The following UNC80 variants were observed in gnomAD, a reference collection of about 807,000 sequenced individuals.
The protein encoded by UNC80 is unc-80 subunit of NALCN channel complex.
A neutral mutation model predicts 384.6 loss-of-function variants in UNC80; 164 were observed. The observed-to-expected ratio is 0.43, with a 90% CI of 0.38 to 0.49. The LOEUF (loss-of-function observed/expected upper bound fraction) is 0.49. UNC80 is among the 20% of genes least tolerant of loss of function. The pLI is 0.00. For synonymous variants in UNC80, 1,486 were observed against 1,527.8 expected (o/e 0.97, Z 0.64); for missense variants, 3,330 against 4,143.0 (o/e 0.80, Z 5.39).
At chr2:209,941,089 T>A (rs921121727) in intron 43 of UNC80, 132 bp from the exon 44 acceptor site, 1 of 1,197,984 alleles carries the variant, frequency 8.3e-7, no homozygotes, top group Non-Finnish European at 1.1e-6. Context: ...CTGGAAAACA[T>A]TTCAGCAGTA....
At chr2:209,905,025 C>G in intron 29 of UNC80, 60 bp downstream of exon 29, 1 of 1,519,620 alleles carries the variant, frequency 6.6e-7, no homozygotes, top group Admixed American at 2.0e-5. Flanking sequence ...ATAACAATTT[C>G]TTCTCTGGAA....
chr2:209,872,056 G>C lies in UNC80; in HGVS notation c.3628-702G>C. Among the ~76,000 whole-genome samples the C allele has an allele frequency of 6.6e-6, 1 of 151,832 alleles. No homozygotes were observed. The highest frequency in any genetic ancestry group is 1.5e-5 in the Non-Finnish European group (1 of 67,984). On this transcript the variant is annotated intron_variant, in intron 22 of 64. Coordinates refer to ENST00000673920, the MANE Select transcript of UNC80 (RefSeq NM_001371986.1). This position sits in a 1 kb window ranked among gnomAD's most constrained non-coding sequence, Gnocchi z 4.1. ...CTCACTCTGTCTCCCAGGCTGGAGT[G>C]CAGTGGCGCGATCTCAGCTAACTGC...
chr2:209,789,988 CT>C (rs1237734444), intron 6 of UNC80, among the ~76,000 whole-genome samples: 1 of 151,732 alleles, frequency 6.6e-6, no homozygotes. Context: ...TTAAGTAACT[CT>C]AATGTAGGTA....
chr2:209,934,641 A>T (rs1421452009), intron 39 of UNC80, among the ~76,000 whole-genome samples: 4 of 152,240 alleles, frequency 2.6e-5, no homozygotes, highest in Non-Finnish European at 5.9e-5. Flanking sequence ...GCAGCAAAAA[A>T]GCCTGTGTTT....
chr2:209,957,865 A>C, intron 49 of UNC80, 129 bp downstream of exon 49: 1 of 820,548 alleles, frequency 1.2e-6, no homozygotes, highest in Non-Finnish European at 1.8e-6. Flanking sequence ...AAAAGAAAAG[A>C]AGGTGAGAGT....
intron 47 of UNC80, 28 bp from the exon 48 acceptor site, chr2:209,954,072 G>T: frequency 6.5e-7 from 1 of 1,535,866 alleles, no homozygotes; most frequent in South Asian, 1.2e-5. Flanking sequence ...TGTAAAAGGT[G>T]ACTCGGTTTT....
At chr2:209,809,430 TG>T in intron 7 of UNC80, 1 of 1,463,366 alleles carries the variant, frequency 6.8e-7, no homozygotes, top group Non-Finnish European at 9.6e-7. Flanking sequence ...ACTGCAGCCG[TG>T]CCTTCGCCGA....
rs79480053 is a variant in UNC80, at chr2:209,879,036, GT to G, written c.3976+960del. On this transcript the variant is annotated intron_variant, in intron 24 of 64. Transcript: ENST00000673920. Reference sequence around the variant, plus strand: ...TCTTCCTTTCCACGTTCCTTCCAAAGTTTTTTTTTTTTTGCATTTTTAAATC... The same window carrying G: ...TCTTCCTTTCCACGTTCCTTCCAAAGTTTTTTTTTTTTGCATTTTTAAATC... Among the ~76,000 whole-genome samples, 1,334 of 142,750 alleles carry G rather than the reference GT, an allele frequency of 9.3e-3. 8 individuals carry two copies. The highest frequency in any genetic ancestry group is 0.018 in the Middle Eastern group (5 of 276). The allele number at this position is 142,750 out of a possible 152,430, so 93.6% of individuals were successfully genotyped here.
intron 22 of UNC80, among the ~76,000 whole-genome samples, chr2:209,859,687 G>A (rs1356550308): frequency 6.6e-6 from 1 of 152,146 alleles, no homozygotes; most frequent in East Asian, 1.9e-4. Flanking sequence ...AGCCTCACCA[G>A]CATCTATTGT....
At chr2:209,819,342 G>A (rs2079977486) in intron 12 of UNC80, 81 bp downstream of exon 12, 2 of 1,323,256 alleles carry the variant, frequency 1.5e-6, no homozygotes, top group South Asian at 1.6e-5. Flanking sequence ...TATAAAATGG[G>A]CATATAGATT....
At chr2:209,932,285 G>A (rs574920143) in intron 38 of UNC80, among the ~76,000 whole-genome samples, 144 of 152,240 alleles carry the variant, frequency 9.5e-4, no homozygotes, top group Middle Eastern at 3.4e-3. Flanking sequence ...ACAGCCTATG[G>A]CCGTTCTATC....
chr2:209,868,038 G>A (rs926111111), intron 22 of UNC80, among the ~76,000 whole-genome samples: 19 of 152,286 alleles, frequency 1.2e-4, no homozygotes, highest in African/African-American at 4.3e-4. Flanking sequence ...TGTAATGTTG[G>A]TCTTCAGCCT....
At chr2:209,774,842 G>A (rs1020952274) in intron 2 of UNC80, among the ~76,000 whole-genome samples, 4 of 152,100 alleles carry the variant, frequency 2.6e-5, no homozygotes, top group African/African-American at 9.6e-5. Context: ...TTATAAAGGT[G>A]AATTTCTTAT....
rs147326460 is a variant in UNC80, at chr2:209,975,160, G to T, written c.8588-959G>T. 1.1e-3 allele frequency among the ~76,000 whole-genome samples: 166 copies of T among 152,302 alleles called. 6 individuals carry two copies. The East Asian group carries it at 0.03, about 27-fold the overall frequency. ...GCATTTAGTCACTCAATGCACTTAAGAAAGATTTTTGTGTTTTCCTAATCA... is the reference window on the plus strand; with the variant it reads ...GCATTTAGTCACTCAATGCACTTAATAAAGATTTTTGTGTTTTCCTAATCA... On this transcript the variant is annotated intron_variant, in intron 56 of 64. Coordinates refer to ENST00000673920, the MANE Select transcript of UNC80 (RefSeq NM_001371986.1).
chr2:209,890,118 TG>T (rs904316114), intron 26 of UNC80, among the ~76,000 whole-genome samples: 79 of 152,290 alleles, frequency 5.2e-4, no homozygotes, highest in African/African-American at 1.8e-3. Flanking sequence ...TAAAATTAAC[TG>T]GTTAAGGTTT....
At position 209,977,045 on chromosome 2, in the gene UNC80, A is replaced by C; in HGVS notation, c.8905A>C (p.Lys2969Gln). ...SLIAEFNSEL[K>Q]ILKEAVHSGS... ...CATTGCTGAGTTCAACAGTGAACTA[A>C]AAATTCTAAAAGAGGCAGTTCATAG... The change falls in exon 58 of 65, where the codon AAA becomes CAA. Residue 2969 changes from lysine (K) to glutamine (Q), a missense_variant. By Grantham distance (53) the Lys-to-Gln change is moderately conservative. This residue lies in a region of UNC80 where 216 missense variants were observed against 245.3 expected (regional missense o/e 0.88). Coordinates refer to ENST00000673920, the MANE Select transcript of UNC80 (RefSeq NM_001371986.1). 6.6e-7 allele frequency: 1 copy of C among 1,522,490 alleles called. No individual in the cohort carries two copies. Among genetic ancestry groups the C allele is most frequent in the African/African-American group, 1.4e-5 (1 of 72,748 alleles). The allele number at this position is 1,522,490 out of a possible 1,614,324, so 94.3% of individuals were successfully genotyped here.
At position 209,813,765 on chromosome 2, in the gene UNC80, TTCCTC is replaced by T; in HGVS notation, c.1129_1133del (p.Leu377AlafsTer6). 6.4e-7 allele frequency: 1 copy of T among 1,551,942 alleles called. No individual in the cohort carries two copies. The highest frequency in any genetic ancestry group is 8.7e-7 in the Non-Finnish European group (1 of 1,147,048). ...CCAGAAAAGCCTCCGGAGCCAGATA[TTCCTC>T]TCCTGCCCAGACCCAGGAGTAGCTC... On this transcript the variant is annotated frameshift_variant, in exon 8 of 65. Transcript: ENST00000673920. LOFTEE classifies it high-confidence loss of function.
chr2:209,835,468 T>A (rs1323191234), intron 18 of UNC80, among the ~76,000 whole-genome samples: 1 of 152,234 alleles, frequency 6.6e-6, no homozygotes, highest in Non-Finnish European at 1.5e-5. Flanking sequence ...CTGTACCACA[T>A]TGTACCTTGG....
At chr2:209,980,816 A>G (rs6745769) in intron 59 of UNC80, among the ~76,000 whole-genome samples, 9 of 152,224 alleles carry the variant, frequency 5.9e-5, no homozygotes, top group Non-Finnish European at 1.0e-4. Context: ...CCAAACAAAT[A>G]CTGGGGACAT....
Sources: gnomAD v4.1 joint callset for allele counts (sites outside exome capture counted in the v4.1 genomes callset) on GRCh38, gnomAD v4.1.1 for gene constraint, gnomAD v4.1.1 regional missense constraint, Gnocchi (gnomAD v3.1) non-coding constraint, MANE v1.5 for transcripts, NCBI Gene and HGNC (gene_info 2026-07-23, HGNC 2026-07-21) for gene names.